ATXN1: variants seen among roughly 807,000 people sequenced by gnomAD.
The protein encoded by ATXN1 is ataxin-1.
Under a neutral mutation model 56.4 loss-of-function variants are expected in ATXN1, and 8 were observed. The ratio of observed to expected loss-of-function variants is 0.14; its 90% CI spans 0.08 to 0.26. ATXN1 has a LOEUF of 0.26. Among genes scored for constraint, ATXN1 ranks in the 10% least tolerant of loss-of-function variants. The pLI, the probability that ATXN1 is intolerant of heterozygous loss-of-function variation, is 1.00. For missense variants in ATXN1, 987 were observed against 1,106.5 expected, an observed-to-expected ratio of 0.89 and a Z score of 1.53; for synonymous variants, 514 against 494.6, an observed-to-expected ratio of 1.04 and a Z score of -0.52.
chr6:16,602,231 G>C (rs1762924521), intron 3 of ATXN1, among the ~76,000 whole-genome samples: 1 of 151,888 alleles, frequency 6.6e-6, no homozygotes, highest in East Asian at 1.9e-4. Context: ...TGGGCCCCAG[G>C]GGTTTCTACT....
In ATXN1 at chr6:16,760,265, C is replaced by T. The variant is rs886816074; in HGVS notation, c.-730+1033G>A. Among the ~76,000 whole-genome samples, 3 of 151,974 alleles carry T rather than the reference C, an allele frequency of 2.0e-5. No homozygotes were observed. The highest frequency in any genetic ancestry group is 7.2e-5 in the African/African-American group (3 of 41,398). ...GCGGCCGCCGCCTCCTCCTCCTTCC[C>T]CTCCTCCTGGCTTCATTCACCCTCC... On this transcript the variant is annotated intron_variant, in intron 1 of 7. Coordinates refer to ENST00000436367, the MANE Select transcript of ATXN1 (RefSeq NM_001128164.2). The surrounding 1 kb of genome is among the most constrained non-coding windows in gnomAD (Gnocchi z 5.3).
intron 6 of ATXN1, among the ~76,000 whole-genome samples, chr6:16,397,909 C>T (rs1276589997): frequency 6.6e-6 from 1 of 152,206 alleles, no homozygotes; most frequent in African/African-American, 2.4e-5. Flanking sequence ...TAACTCCTCG[C>T]AACCATTGCT....
intron 6 of ATXN1, among the ~76,000 whole-genome samples, chr6:16,480,126 T>C (rs994973530): frequency 8.4e-6 from 1 of 118,846 alleles, no homozygotes; most frequent in African/African-American, 3.3e-5. Flanking sequence ...CCCTCCAGCC[T>C]GGGCAACACA....
rs536983741 is a variant in ATXN1, at chr6:16,691,152, G to A, written c.-614-33251C>T. 2.0e-5 allele frequency among the ~76,000 whole-genome samples: 3 copies of A among 152,326 alleles called. No homozygotes were observed. The South Asian group carries it at 6.2e-4, about 32-fold the overall frequency. On this transcript the variant is annotated intron_variant, in intron 2 of 7. Coordinates refer to ENST00000436367, the MANE Select transcript of ATXN1 (RefSeq NM_001128164.2). ...GTGCCAGGTTGGAATTTCATTGTAA[G>A]TGTCGCAGAAATATCCCTTTGGAAT...
rs918116112 is a variant in ATXN1 at position 16,481,281 on chromosome 6, T to A, written c.-161+4691A>T. 3.3e-5 allele frequency among the ~76,000 whole-genome samples: 5 copies of A among 151,544 alleles called. No individual in the cohort carries two copies. In the South Asian group the frequency reaches 8.5e-4, roughly 26 times the overall value. On this transcript the variant is annotated intron_variant, in intron 6 of 7. Transcript: ENST00000436367. ...CCTGACCCTCTTATCTACTTCAGAT[T>A]TTTTTTTTGTAACGCTGGAGAATTT...
intron 7 of ATXN1, among the ~76,000 whole-genome samples, chr6:16,309,783 C>T (rs1760346020): frequency 6.6e-6 from 1 of 152,142 alleles, no homozygotes; most frequent in Admixed American, 6.5e-5. Context: ...CCTGTAATCC[C>T]AGCACTTTGG....
At chr6:16,343,303 C>G (rs895425906) in intron 6 of ATXN1, among the ~76,000 whole-genome samples, 1 of 152,164 alleles carries the variant, frequency 6.6e-6, no homozygotes. Context: ...GAGATCGCAC[C>G]ACTGCACTCC....
At chr6:16,445,052 C>A (rs1346874192) in intron 6 of ATXN1, among the ~76,000 whole-genome samples, 1 of 152,044 alleles carries the variant, frequency 6.6e-6, no homozygotes, top group Non-Finnish European at 1.5e-5. Flanking sequence ...AAAAAAAAGA[C>A]ATAGGTGATA....
Position 16,752,345 on chromosome 6 carries a change from G to T in ATXN1, c.-615+888C>A, listed in dbSNP as rs552427757. Among the ~76,000 whole-genome samples the T allele has an allele frequency of 2.0e-5, 3 of 152,286 alleles. No homozygotes were observed. The South Asian group carries it at 6.2e-4, about 32-fold the overall frequency. On this transcript the variant is annotated intron_variant, in intron 2 of 7. Transcript: ENST00000436367. Reference sequence around the variant, plus strand: ...GGGTTCCCAAACCTGTGGAGCATCAGTGCCTAGACAGATCAATGATTCCAG... The same window carrying T: ...GGGTTCCCAAACCTGTGGAGCATCATTGCCTAGACAGATCAATGATTCCAG...
intron 4 of ATXN1, among the ~76,000 whole-genome samples, chr6:16,534,795 C>T (rs1301242402): frequency 6.6e-6 from 1 of 152,228 alleles, no homozygotes; most frequent in Non-Finnish European, 1.5e-5. Context: ...CATGTCTTTG[C>T]TTCTAGCCTC....
At chr6:16,344,138 T>G (rs902310569) in intron 6 of ATXN1, among the ~76,000 whole-genome samples, 2 of 152,062 alleles carry the variant, frequency 1.3e-5, no homozygotes, top group African/African-American at 2.4e-5. Context: ...CTCTCCCCAC[T>G]CCAACCCCAT....
At position 16,326,870 on chromosome 6, in the gene ATXN1, G is replaced by C. The variant is rs1160168237; in HGVS notation, c.1441C>G (p.His481Asp). The C allele has an allele frequency of 1.2e-6, 2 of 1,610,628 alleles. No individual in the cohort carries two copies. Among genetic ancestry groups the C allele is most frequent in the Non-Finnish European group, 1.7e-6 (2 of 1,177,572 alleles). The part of the protein sequence containing the change: ...AITYAGSLPQ[H>D]LVIPGTQPLL... ...GGCTGTGTGCCGGGGATCACCAGGT[G>C]CTGGGGCAGGCTGCCGGCGTAGGTG... The change falls in exon 7 of 8, where the codon CAC becomes GAC. Residue 481 changes from histidine to aspartate, a missense_variant. By Grantham distance (81) the His-to-Asp change is moderately conservative. Coordinates refer to ENST00000436367, the MANE Select transcript of ATXN1 (RefSeq NM_001128164.2). This position sits in a 1 kb window ranked among gnomAD's most constrained non-coding sequence, Gnocchi z 6.6.
intron 2 of ATXN1, among the ~76,000 whole-genome samples, chr6:16,748,960 G>A (rs1760625831): frequency 6.6e-6 from 1 of 152,084 alleles, no homozygotes; most frequent in Admixed American, 6.5e-5. Flanking sequence ...CTTTACATCA[G>A]GAAGTCTTAG....
chr6:16,551,017 T>C (rs1761911836), intron 4 of ATXN1, among the ~76,000 whole-genome samples: 1 of 152,182 alleles, frequency 6.6e-6, no homozygotes, highest in South Asian at 2.1e-4. Context: ...AATCACTGCA[T>C]CCTAATTCAA....
At chr6:16,532,665 A>C (rs1280842357) in intron 4 of ATXN1, among the ~76,000 whole-genome samples, 1 of 152,224 alleles carries the variant, frequency 6.6e-6, no homozygotes, top group Non-Finnish European at 1.5e-5. Context: ...CCACAATGAC[A>C]TACCATTTCA....
At chr6:16,307,881 C>T (rs1462069161) in intron 7 of ATXN1, among the ~76,000 whole-genome samples, 1 of 152,050 alleles carries the variant, frequency 6.6e-6, no homozygotes. Context: ...AGGCCAGGCG[C>T]GGTGGCTCAT....
At chr6:16,610,731 A>G (rs776167600) in intron 3 of ATXN1, among the ~76,000 whole-genome samples, 1 of 152,160 alleles carries the variant, frequency 6.6e-6, no homozygotes, top group Non-Finnish European at 1.5e-5. Context: ...ACAGTTCACA[A>G]TATGGATTCA....
chr6:16,383,101 C>T (rs1758165041), intron 6 of ATXN1, among the ~76,000 whole-genome samples: 1 of 152,166 alleles, frequency 6.6e-6, no homozygotes, highest in Non-Finnish European at 1.5e-5. Flanking sequence ...TACCCCGCAC[C>T]ATATCTTCTC....
In ATXN1 at chr6:16,567,867, T is replaced by C. The variant is rs139396162; in HGVS notation, c.-361+17913A>G. Among the ~76,000 whole-genome samples the C allele has an allele frequency of 1.8e-3, 281 of 151,974 alleles. 1 individual carries two copies. Among genetic ancestry groups the C allele is most frequent in the Non-Finnish European group, 3.2e-3 (216 of 67,846 alleles). The stretch of plus-strand genomic sequence containing the variant: ...CACCAGATATCTGTAAAAGCAAATA[T>C]AAAATCCATGAATTATGTCTCTGTA... On this transcript the variant is annotated intron_variant, in intron 4 of 7. Transcript: ENST00000436367.
Sources: allele counts gnomAD v4.1 joint callset (sites outside exome capture counted in the v4.1 genomes callset), GRCh38; gene constraint gnomAD v4.1.1; non-coding constraint Gnocchi (gnomAD v3.1); transcripts MANE v1.5; gene names NCBI Gene and HGNC (gene_info 2026-07-23, HGNC 2026-07-21).